The following RGS7 variants were observed in gnomAD, a reference collection of about 807,000 sequenced individuals.
RGS7 encodes the protein regulator of G protein signaling 7.
RGS7 carries 27 observed loss-of-function variants against 81.1 expected under a neutral mutation model. That is an observed-to-expected ratio of 0.33 (90% CI 0.25 to 0.46). RGS7 has a LOEUF of 0.46. Ranked by LOEUF, RGS7 falls within the 20% of genes least tolerant of loss-of-function variation. The probability of loss-of-function intolerance (pLI) is 1.00; values close to 1 mark genes in which losing one functional copy is unlikely to be tolerated. For synonymous variants in RGS7, 208 were observed against 207.7 expected (o/e 1.00, Z -0.01); for missense variants, 396 against 607.4 (o/e 0.65, Z 3.66).
intron 6 of RGS7, among the ~76,000 whole-genome samples, chr1:240,923,377 A>C (rs1195708587): frequency 6.6e-6 from 1 of 152,094 alleles, no homozygotes; most frequent in Non-Finnish European, 1.5e-5. Flanking sequence ...AACATACTAT[A>C]TTATGGTAAG....
chr1:241,016,391 A>C (rs1184583891), intron 3 of RGS7, among the ~76,000 whole-genome samples: 1 of 151,816 alleles, frequency 6.6e-6, no homozygotes, highest in East Asian at 1.9e-4. Context: ...GGCGGCATGC[A>C]CCTGTAGTCT....
intron 3 of RGS7, among the ~76,000 whole-genome samples, chr1:241,035,170 G>A (rs922610572): frequency 6.6e-6 from 1 of 152,098 alleles, no homozygotes; most frequent in Non-Finnish European, 1.5e-5. Context: ...AACATTAAGG[G>A]TAGCAAGATT....
chr1:240,882,859 T>A (rs1334271382), intron 6 of RGS7, among the ~76,000 whole-genome samples: 1 of 152,214 alleles, frequency 6.6e-6, no homozygotes, highest in Non-Finnish European at 1.5e-5. Flanking sequence ...AAATTGCTGA[T>A]GAAACAAAAT....
intron 18 of RGS7, among the ~76,000 whole-genome samples, chr1:240,799,663 T>C (rs2103045290): frequency 6.6e-6 from 1 of 151,922 alleles, no homozygotes; most frequent in African/African-American, 2.4e-5. Context: ...CGAATAATCT[T>C]AAAAAAAAGG....
intron 2 of RGS7, among the ~76,000 whole-genome samples, chr1:241,321,298 A>C (rs1468569867): frequency 6.6e-6 from 1 of 152,204 alleles, no homozygotes; most frequent in Non-Finnish European, 1.5e-5. Flanking sequence ...CTTCCAAAGA[A>C]ATGCACTGAA....
intron 2 of RGS7, among the ~76,000 whole-genome samples, chr1:241,152,220 G>A (rs144522813): frequency 3.3e-5 from 5 of 151,424 alleles, no homozygotes; most frequent in East Asian, 1.9e-4. Flanking sequence ...CCAGTGCCAC[G>A]TATGTTTGAT....
At chr1:241,105,653 C>T (rs1000018249) in intron 2 of RGS7, among the ~76,000 whole-genome samples, 2 of 152,146 alleles carry the variant, frequency 1.3e-5, no homozygotes, top group African/African-American at 4.8e-5. Context: ...TAACTTGTAG[C>T]TATATTTGCC....
chr1:241,052,129 T>C (rs1004287175), intron 3 of RGS7, among the ~76,000 whole-genome samples: 3 of 152,172 alleles, frequency 2.0e-5, no homozygotes, highest in Non-Finnish European at 4.4e-5. Flanking sequence ...GCCTAACATG[T>C]ATTGGGTCCC....
intron 3 of RGS7, among the ~76,000 whole-genome samples, chr1:241,042,534 T>A (rs2060678847): frequency 6.6e-6 from 1 of 152,170 alleles, no homozygotes; most frequent in African/African-American, 2.4e-5. Context: ...ATATATTAAG[T>A]ACAGACATAA....
chr1:240,920,424 A>C (rs1673321917), intron 6 of RGS7: 1 of 1,306,356 alleles, frequency 7.7e-7, no homozygotes, highest in African/African-American at 1.4e-5. Context: ...AGGTGGTGGA[A>C]GCTACAATGA....
intron 3 of RGS7, among the ~76,000 whole-genome samples, chr1:241,007,460 G>A (rs116010113): frequency 0.027 from 4,040 of 152,156 alleles, 153 homozygotes; most frequent in African/African-American, 0.088. Context: ...AAGTTTTTGG[G>A]GAAGTCAAAA....
chr1:240,867,053 T>C (rs188164090), intron 9 of RGS7, among the ~76,000 whole-genome samples: 21 of 152,296 alleles, frequency 1.4e-4, no homozygotes, highest in African/African-American at 5.1e-4. Flanking sequence ...GTCCTTGCAA[T>C]AGCTATGCAC....
chr1:241,280,372 C>A (rs867758020), intron 2 of RGS7, among the ~76,000 whole-genome samples: 7 of 152,086 alleles, frequency 4.6e-5, no homozygotes, highest in Non-Finnish European at 1.0e-4. Context: ...TTTCTAGTCT[C>A]CAAAACTATG....
chr1:240,964,252 G>A (rs1170110927), intron 4 of RGS7, among the ~76,000 whole-genome samples: 2 of 152,184 alleles, frequency 1.3e-5, no homozygotes, highest in African/African-American at 2.4e-5. Flanking sequence ...TAGCATGCCA[G>A]TAGAGGAAGT....
chr1:240,920,799 G>A (rs775838210), intron 6 of RGS7, among the ~76,000 whole-genome samples: 6 of 152,096 alleles, frequency 3.9e-5, no homozygotes, highest in Admixed American at 1.3e-4. Context: ...GTGACTAATT[G>A]TATGACAGGT....
At chr1:241,236,129 C>T (rs1259712431) in intron 2 of RGS7, among the ~76,000 whole-genome samples, 1 of 151,816 alleles carries the variant, frequency 6.6e-6, no homozygotes, top group South Asian at 2.1e-4. Context: ...TTACCAAGTG[C>T]CTGAGTCTTC....
chr1:240,888,319 G>C (rs1667717483), intron 6 of RGS7, among the ~76,000 whole-genome samples: 1 of 152,268 alleles, frequency 6.6e-6, no homozygotes, highest in Admixed American at 6.5e-5. Flanking sequence ...AACAGTAAAG[G>C]GGTCTTATGT....
At chr1:240,834,911 A>G (rs1220995821) in intron 9 of RGS7, among the ~76,000 whole-genome samples, 1 of 123,772 alleles carries the variant, frequency 8.1e-6, no homozygotes, top group Admixed American at 8.3e-5. Flanking sequence ...TTCAGACCTT[A>G]CACTCCACAC....
At chr1:240,849,806 G>A (rs530352045) in intron 9 of RGS7, among the ~76,000 whole-genome samples, 98 of 152,338 alleles carry the variant, frequency 6.4e-4, no homozygotes, top group African/African-American at 2.3e-3. Context: ...ACAGCCTGTA[G>A]AACGATGAGC....
Sources: gnomAD v4.1 joint callset for allele counts (sites outside exome capture counted in the v4.1 genomes callset) on GRCh38, gnomAD v4.1.1 for gene constraint, MANE v1.5 for transcripts, NCBI Gene and HGNC (gene_info 2026-07-23, HGNC 2026-07-21) for gene names.